Variants in NOTCH3 observed in about 807,000 individuals in gnomAD.
NOTCH3 encodes notch receptor 3, also known as neurogenic locus notch homolog protein 3.
A neutral mutation model predicts 213.3 loss-of-function variants in NOTCH3; 86 were observed. The ratio of observed to expected loss-of-function variants is 0.40; its 90% confidence interval spans 0.34 to 0.48. The LOEUF is 0.48. Among genes scored for constraint, NOTCH3 ranks in the 20% least tolerant of loss-of-function variants. The probability of loss-of-function intolerance (pLI) is 0.57; values close to 1 mark genes in which losing one functional copy is unlikely to be tolerated. For missense variants in NOTCH3, 2,783 were observed against 3,272.6 expected (o/e 0.85, Z 3.65); for synonymous variants, 1,354 against 1,355.9 (o/e 1.00, Z 0.03).
rs2046926428 is a variant in NOTCH3 at position 15,191,505 on chromosome 19, C to G, written c.955G>C (p.Ala319Pro). 6.2e-7 allele frequency: 1 copy of G among 1,613,240 alleles called. No homozygotes were observed. The highest frequency in any genetic ancestry group is 8.5e-7 in the Non-Finnish European group (1 of 1,180,024). The change falls in exon 6 of 33, where the codon GCC becomes CCC. Residue 319 changes from alanine to proline, a missense_variant. Transcript: ENST00000263388. ...ESCSQNIDDC[A>P]TAVCFHGATC... ...GCCCCATGGAAGCACACGGCTGTGG[C>G]ACAGTCATCGATATTCTGACTGCAG...
chr19:15,200,653 G>A, intron 1 of NOTCH3, 135 bp downstream of exon 1: 1 of 607,980 alleles, frequency 1.6e-6, no homozygotes, highest in Non-Finnish European at 2.2e-6. Flanking sequence ...GGACTGGCAT[G>A]AAGCCCGGGG....
intron 1 of NOTCH3, among the ~76,000 whole-genome samples, chr19:15,200,381 TG>T (rs1002711819): frequency 6.8e-6 from 1 of 147,888 alleles, no homozygotes; most frequent in Non-Finnish European, 1.5e-5. Flanking sequence ...GGGGGCGGGG[TG>T]GGGGGGCTTT....
At chr19:15,184,165 T>C in intron 16 of NOTCH3, 130 bp downstream of exon 16, 1 of 965,746 alleles carries the variant, frequency 1.0e-6, no homozygotes, top group South Asian at 1.4e-5. Flanking sequence ...GGCCTCAGTT[T>C]CCATATAAAT....
chr19:15,178,428 G>A, intron 23 of NOTCH3: 1 of 419,920 alleles, frequency 2.4e-6, no homozygotes, highest in African/African-American at 2.0e-5. Context: ...TCACTCAGTC[G>A]CCAGGCTGGA....
Position 15,162,445 on chromosome 19 carries a change from G to A in NOTCH3, c.5913+20C>T. The A allele has an allele frequency of 6.3e-7, 1 of 1,582,744 alleles. No homozygotes were observed. The highest frequency in any genetic ancestry group is 8.7e-7 in the Non-Finnish European group (1 of 1,152,676). On this transcript the variant is annotated intron_variant, in intron 32 of 32. Coordinates refer to ENST00000263388, the MANE Select transcript of NOTCH3 (RefSeq NM_000435.3). ...ACTGTGCCACTGCTGACACCCAGTG[G>A]ACCAAGGGCTGGGGCTCACCTTGCT...
Position 15,161,187 on chromosome 19 carries a change from A to G in NOTCH3, c.6441T>C (p.Gly2147=), listed in dbSNP as rs1324710836. ...ATCCTCCAGGGGGCTGGCGCCCTAG[A>G]CCCGCCCGGCCTGGGCCACCAAGCT... is the stretch of plus-strand genomic sequence containing the variant. ...LAQLGGPGRA[G]LGRQPPGGCV... is the part of the protein sequence containing the mutation. Residue 2147 remains glycine, a synonymous_variant, in exon 33 of 33, where the codon GGT becomes GGC. Coordinates refer to ENST00000263388, the MANE Select transcript of NOTCH3 (RefSeq NM_000435.3). 6.5e-7 allele frequency: 1 copy of G among 1,539,754 alleles called. No individual in the cohort carries two copies. Among genetic ancestry groups the G allele is most frequent in the South Asian group, 1.2e-5 (1 of 84,246 alleles).
rs750239290 is a variant in NOTCH3, at chr19:15,181,635, G to A, written c.2733C>T (p.Thr911=). Residue 911 remains threonine, a synonymous_variant, in exon 17 of 33, where the codon ACC becomes ACT. Coordinates refer to ENST00000263388, the MANE Select transcript of NOTCH3 (RefSeq NM_000435.3). ...CTDHVASFTC[T]CPPGYGGFHC... is the part of the protein sequence containing the mutation. ...GGAAGCCTCCGTAGCCTGGCGGGCAGGTGCAGGTGAAGGAGGCCACGTGGT... is the reference window on the plus strand; with the variant it reads ...GGAAGCCTCCGTAGCCTGGCGGGCAAGTGCAGGTGAAGGAGGCCACGTGGT... The A allele has an allele frequency of 1.3e-6, 2 of 1,551,594 alleles. No homozygotes were observed. Among genetic ancestry groups the A allele is most frequent in the Non-Finnish European group, 1.7e-6 (2 of 1,147,304 alleles).
In NOTCH3 at chr19:15,174,408, G is replaced by A. The variant is rs1363478772; in HGVS notation, c.4404-8C>T. On this transcript the variant is annotated splice_polypyrimidine_tract_variant and splice_region_variant and intron_variant, in intron 24 of 32. Transcript: ENST00000263388. ...TACTTCTCGTACACCGGGCTGGTGG[G>A]GAAGGGTGAGGCAGAGAGGGGCGGA... The A allele has an allele frequency of 6.0e-6, 9 of 1,512,346 alleles. No homozygotes were observed. The South Asian group carries it at 8.9e-5, about 15-fold the overall frequency. 93.7% of individuals were successfully genotyped at this position (1,512,346 alleles called of 1,614,324 possible).
chr19:15,192,743 C>T (rs1013848201), intron 2 of NOTCH3, among the ~76,000 whole-genome samples: 2 of 152,062 alleles, frequency 1.3e-5, no homozygotes, highest in South Asian at 2.1e-4. Context: ...GGTGTAACCC[C>T]GTCTCTACTA....
chr19:15,185,148 AT>A lies in NOTCH3; in HGVS notation c.2296+108del. On this transcript the variant is annotated intron_variant, in intron 14 of 32. Transcript: ENST00000263388. The surrounding 1 kb of genome is among the most constrained non-coding windows in gnomAD (Gnocchi z 4.2). Reference sequence around the variant, plus strand: ...CCTCCCAAGCTCCTGGAGGGAAATGATTGAAAGCAAAAAAGAAGCTAACATA... The same window carrying A: ...CCTCCCAAGCTCCTGGAGGGAAATGATGAAAGCAAAAAAGAAGCTAACATA... 1 of 1,483,704 alleles carries A rather than the reference AT, an allele frequency of 6.7e-7. No homozygotes were observed. Among genetic ancestry groups the A allele is most frequent in the South Asian group, 1.2e-5 (1 of 84,522 alleles). The allele number at this position is 1,483,704 out of a possible 1,614,324, so 91.9% of individuals were successfully genotyped here. A position where few individuals can be genotyped will look rare whatever the true frequency, so the allele number is the denominator to read the frequency against.
At chr19:15,188,121 A>C in intron 9 of NOTCH3, 114 bp downstream of exon 9, 1 of 1,061,988 alleles carries the variant, frequency 9.4e-7, no homozygotes, top group African/African-American at 1.6e-5. Flanking sequence ...ATGTTTCATA[A>C]CATATGGTTT....
At chr19:15,187,551 C>G (rs557059084) in intron 10 of NOTCH3, among the ~76,000 whole-genome samples, 8 of 150,118 alleles carry the variant, frequency 5.3e-5, no homozygotes, top group African/African-American at 1.5e-4. Flanking sequence ...GACTCTCCCA[C>G]AGTTAAATCC....
In NOTCH3 at chr19:15,194,834, G is replaced by A. The variant is rs918033173; in HGVS notation, c.198-2315C>T. The stretch of plus-strand genomic sequence containing the variant: ...CAGCCAAGTGTGGTGGCACATGCCT[G>A]TAATCCCAGCTACTCCGGAGGCTGA... On this transcript the variant is annotated intron_variant, in intron 2 of 32. Coordinates refer to ENST00000263388, the MANE Select transcript of NOTCH3 (RefSeq NM_000435.3). Among the ~76,000 whole-genome samples the A allele has an allele frequency of 5.3e-5, 8 of 152,046 alleles. No homozygotes were observed. The South Asian group carries it at 1.0e-3, about 20-fold the overall frequency.
chr19:15,178,327 GC>G (rs2046809799), intron 23 of NOTCH3: 2 of 525,822 alleles, frequency 3.8e-6, no homozygotes, highest in Non-Finnish European at 6.7e-6. Context: ...AGGAGGCCAC[GC>G]CCCCCAATCA....
intron 8 of NOTCH3, 137 bp downstream of exon 8, chr19:15,188,852 A>G: frequency 1.2e-6 from 1 of 842,672 alleles, no homozygotes; most frequent in South Asian, 1.6e-5. Flanking sequence ...TCCTGACCCC[A>G]CCTCCTTCCA....
intron 31 of NOTCH3, among the ~76,000 whole-genome samples, chr19:15,164,209 A>G (rs926155314): frequency 1.4e-5 from 2 of 140,090 alleles, no homozygotes; most frequent in Non-Finnish European, 3.1e-5. Context: ...TGTTAATTAT[A>G]TCTCAATAAA....
chr19:15,179,344 C>T lies in NOTCH3; in HGVS notation c.3460+20G>A, dbSNP rs745671800. On this transcript the variant is annotated intron_variant, in intron 21 of 32. Transcript: ENST00000263388. ...AAGACAGCCTCTCATCCTGTCCCCC[C>T]AACCCTGGCCCTGGCATACCCAGCG... 3 of 1,610,964 alleles carry T rather than the reference C, an allele frequency of 1.9e-6. No homozygotes were observed. Among genetic ancestry groups the T allele is most frequent in the Non-Finnish European group, 2.5e-6 (3 of 1,178,008 alleles).
At chr19:15,178,159 A>C in intron 23 of NOTCH3, 69 bp from the exon 24 acceptor site, 3 of 962,080 alleles carry the variant, frequency 3.1e-6, no homozygotes, top group Non-Finnish European at 4.6e-6. Context: ...AGGAGAAGAA[A>C]TGGAGGAGTG....
chr19:15,181,531 A>C (rs758319552), intron 17 of NOTCH3, 45 bp downstream of exon 17: 290 of 1,507,170 alleles, frequency 1.9e-4, no homozygotes, highest in Non-Finnish European at 3.8e-5. Context: ...CCCAGGCCCC[A>C]TCCCAAGCCA....
Sources: gnomAD v4.1 joint callset for allele counts (sites outside exome capture counted in the v4.1 genomes callset) on GRCh38, gnomAD v4.1.1 for gene constraint, Gnocchi (gnomAD v3.1) non-coding constraint, MANE v1.5 for transcripts, NCBI Gene and HGNC (gene_info 2026-07-23, HGNC 2026-07-21) for gene names.